The following ACSBG1 variants were observed in gnomAD, a reference collection of about 807,000 sequenced individuals.
The protein encoded by ACSBG1 is acyl-CoA synthetase bubblegum family member 1.
A neutral mutation model predicts 80.2 loss-of-function variants in ACSBG1; 39 were observed. That is an observed-to-expected ratio of 0.49 (90% CI 0.38 to 0.64). The LOEUF is 0.64. ACSBG1 is among the 30% of genes least tolerant of loss of function. The probability of loss-of-function intolerance (pLI) is 0.00; values close to 1 mark genes in which losing one functional copy is unlikely to be tolerated. For synonymous variants in ACSBG1, 392 were observed against 379.5 expected (o/e 1.03, Z -0.38); for missense variants, 828 against 966.4 (o/e 0.86, Z 1.90).
In ACSBG1 at chr15:78,173,828, G is replaced by A. The variant is rs144333639; in HGVS notation, c.1854C>T (p.Asp618=). 1 of 1,613,872 alleles carries A rather than the reference G, an allele frequency of 6.2e-7. No individual in the cohort carries two copies. The highest frequency in any genetic ancestry group is 8.5e-7 in the Non-Finnish European group (1 of 1,179,948). ...TATCAGTCTGGTCAGAGGTGTCTGG[G>A]TCCAGAGTGCACTGAAAAGCCAGAG... The part of the protein sequence containing the change: ...SMLLTLKCTL[D]PDTSDQTDNL... The change falls in exon 13 of 14, where the codon GAC becomes GAT. Residue 618 remains aspartate, a synonymous_variant. Coordinates refer to ENST00000258873, the MANE Select transcript of ACSBG1 (RefSeq NM_015162.5).
intron 1 of ACSBG1, among the ~76,000 whole-genome samples, chr15:78,222,158 C>G (rs1396942714): frequency 6.6e-6 from 1 of 152,112 alleles, no homozygotes; most frequent in East Asian, 1.9e-4. Flanking sequence ...ATGGATGAAT[C>G]TTGAAAACAT....
chr15:78,213,874 T>C (rs1240808023), intron 1 of ACSBG1: 1 of 152,280 alleles, frequency 6.6e-6, no homozygotes, highest in African/African-American at 2.4e-5. Flanking sequence ...GGCCCTGCAA[T>C]GTAGGTTTTA....
rs143175538 is a variant in ACSBG1 at position 78,196,838 on chromosome 15, G to A, written c.233-2112C>T. On this transcript the variant is annotated intron_variant, in intron 2 of 13. Transcript: ENST00000258873. ...TGTAAACATGTGAGGAGACTGAGGC[G>A]GGGTATCACTTGAGCCCAGGAGTTC... Among the ~76,000 whole-genome samples the A allele has an allele frequency of 5.4e-3, 816 of 152,146 alleles. 11 individuals carry two copies. The highest frequency in any genetic ancestry group is 0.019 in the African/African-American group (770 of 41,506).
At position 78,168,238 on chromosome 15, in the gene ACSBG1, A is replaced by G. The variant is rs1343922533; in HGVS notation, c.*3206T>C. The G allele has an allele frequency of 6.6e-6, 1 of 150,670 alleles. No homozygotes were observed. The highest frequency in any genetic ancestry group is 1.5e-5 in the Non-Finnish European group (1 of 67,728). The allele number at this position is 150,670 out of a possible 1,614,324, so 9.3% of individuals were successfully genotyped here. A position where few individuals can be genotyped will look rare whatever the true frequency, so the allele number is the denominator to read the frequency against. ...TGAGTTCAAGACCAGCCTGGGCCAC[A>G]TAGTGAGACCCCGTCTCTTAAAAAA... On this transcript the variant is annotated 3_prime_UTR_variant, in exon 14 of 14. Coordinates refer to ENST00000258873, the MANE Select transcript of ACSBG1 (RefSeq NM_015162.5).
At chr15:78,215,780 AAGAAAGAG>A (rs1567096454) in intron 1 of ACSBG1, among the ~76,000 whole-genome samples, 1 of 147,830 alleles carries the variant, frequency 6.8e-6, no homozygotes, top group Non-Finnish European at 1.5e-5. Context: ...GAAAGAAAGA[AAGAAAGAG>A]AAAGAAAGAG....
At position 78,193,532 on chromosome 15, in the gene ACSBG1, G is replaced by A. The variant is rs1280202668; in HGVS notation, c.637C>T (p.Gln213Ter). ...CCANVIMVDT[Q>*]KQLEKILKIW... ...TTCAGGATCTTTTCCAGCTGCTTCT[G>A]CGTGTCGACCATGATGACATTGGCG... The change falls in exon 5 of 14, where the codon CAG becomes TAG. Residue 213 changes from glutamine to a stop codon, truncating the protein, a stop_gained. Coordinates refer to ENST00000258873, the MANE Select transcript of ACSBG1 (RefSeq NM_015162.5). LOFTEE classifies it high-confidence loss of function. The A allele has an allele frequency of 1.2e-6, 2 of 1,612,428 alleles. No homozygotes were observed. The highest frequency in any genetic ancestry group is 2.7e-5 in the African/African-American group (2 of 74,866).
At chr15:78,196,995 T>G (rs2075120273) in intron 2 of ACSBG1, among the ~76,000 whole-genome samples, 1 of 149,194 alleles carries the variant, frequency 6.7e-6, no homozygotes, top group Non-Finnish European at 1.5e-5. Flanking sequence ...GTATGGGAGG[T>G]CAAGGCTGCA....
Position 78,170,892 on chromosome 15 carries a change from G to A in ACSBG1, c.*552C>T, listed in dbSNP as rs2141312305. 6.5e-6 allele frequency: 1 copy of A among 153,352 alleles called. No individual in the cohort carries two copies. The highest frequency in any genetic ancestry group is 2.1e-4 in the South Asian group (1 of 4,842). The allele number at this position is 153,352 out of a possible 1,614,324, so 9.5% of individuals were successfully genotyped here. ...TAATATTCAAATTATACATTAAATA[G>A]AATCAAACAGGCAGCAGCAGTTTTA... On this transcript the variant is annotated 3_prime_UTR_variant, in exon 14 of 14. Coordinates refer to ENST00000258873, the MANE Select transcript of ACSBG1 (RefSeq NM_015162.5).
In ACSBG1 at chr15:78,180,668, G is replaced by C. The variant is rs1169565119; in HGVS notation, c.1253+87C>G. The C allele has an allele frequency of 2.6e-6, 4 of 1,516,738 alleles. No homozygotes were observed. The African/African-American group carries it at 5.5e-5, about 21-fold the overall frequency. 94.0% of individuals were successfully genotyped at this position (1,516,738 alleles called of 1,614,324 possible). ...CTGCCCGGCCACTGGAACCGGGACA[G>C]GCATGGCGTATCAGACCCTCACTGT... On this transcript the variant is annotated intron_variant, in intron 9 of 13. Coordinates refer to ENST00000258873, the MANE Select transcript of ACSBG1 (RefSeq NM_015162.5).
chr15:78,219,558 G>A (rs2075342752), intron 1 of ACSBG1, among the ~76,000 whole-genome samples: 1 of 152,210 alleles, frequency 6.6e-6, no homozygotes, highest in South Asian at 2.1e-4. Context: ...GATATCTCAT[G>A]ATCGAGAGAC....
Position 78,173,608 on chromosome 15 carries a change from A to G in ACSBG1, c.2074T>C (p.Ser692Pro). Residue 692 changes from serine to proline, a missense_variant, in exon 13 of 14, where the codon TCG becomes CCG. Coordinates refer to ENST00000258873, the MANE Select transcript of ACSBG1 (RefSeq NM_015162.5). ...WAILERDFSISGGELGPTMKL... is the reference protein window; with the variant it reads ...WAILERDFSIPGGELGPTMKL... ...AAAAACCTACCCAACTCTCCACCCG[A>G]AATGGAGAAGTCTCTCTCGAGAATG... is the stretch of plus-strand genomic sequence containing the variant. 6.2e-7 allele frequency: 1 copy of G among 1,614,106 alleles called. No individual in the cohort carries two copies. Among genetic ancestry groups the G allele is most frequent in the Non-Finnish European group, 8.5e-7 (1 of 1,180,010 alleles).
At chr15:78,179,418 G>A in intron 10 of ACSBG1, 132 bp downstream of exon 10, 1 of 793,848 alleles carries the variant, frequency 1.3e-6, no homozygotes, top group East Asian at 2.7e-5. Context: ...GGGCTCCATA[G>A]CCCAGTGGCC....
intron 1 of ACSBG1, among the ~76,000 whole-genome samples, chr15:78,219,406 CAA>C (rs34636353): frequency 0.48 from 58,285 of 120,280 alleles, 12,529 homozygotes; most frequent in Non-Finnish European, 0.54. Flanking sequence ...GGCTTTGTCT[CAA>C]AAAAAAAAAA....
At chr15:78,180,298 C>A (rs2074929056) in intron 9 of ACSBG1, among the ~76,000 whole-genome samples, 3 of 152,188 alleles carry the variant, frequency 2.0e-5, no homozygotes, top group Non-Finnish European at 2.9e-5. Flanking sequence ...TGAAACCAAG[C>A]CAGCTTTACG....
intron 2 of ACSBG1, among the ~76,000 whole-genome samples, chr15:78,202,279 C>T (rs1010070615): frequency 4.6e-5 from 7 of 152,104 alleles, no homozygotes; most frequent in Non-Finnish European, 2.9e-5. Flanking sequence ...GGCACTATCT[C>T]GGCTCACTGC....
At chr15:78,188,986 C>T (rs1300493104) in intron 5 of ACSBG1, among the ~76,000 whole-genome samples, 3 of 149,230 alleles carry the variant, frequency 2.0e-5, no homozygotes, top group African/African-American at 7.4e-5. Flanking sequence ...AAAAAACAAA[C>T]AACCCCATCA....
chr15:78,174,330 A>AC, intron 12 of ACSBG1, 55 bp downstream of exon 12: 2 of 1,612,818 alleles, frequency 1.2e-6, no homozygotes, highest in Non-Finnish European at 8.5e-7. Flanking sequence ...TGCCAGCCAG[A>AC]CCCACAGACC....
chr15:78,175,966 G>A (rs1303150044), intron 11 of ACSBG1, among the ~76,000 whole-genome samples: 2 of 150,712 alleles, frequency 1.3e-5, no homozygotes, highest in Non-Finnish European at 3.0e-5. Context: ...ATTAGTAAAT[G>A]ATTAAAAAAA....
intron 2 of ACSBG1, among the ~76,000 whole-genome samples, chr15:78,201,363 C>A (rs1378861342): frequency 2.6e-5 from 4 of 152,238 alleles, no homozygotes; most frequent in African/African-American, 9.6e-5. Context: ...CCTTGCCCCC[C>A]AGGGAGGCCA....
Sources: allele counts gnomAD v4.1 joint callset (sites outside exome capture counted in the v4.1 genomes callset), GRCh38; gene constraint gnomAD v4.1.1; transcripts MANE v1.5; gene names NCBI Gene and HGNC (gene_info 2026-07-23, HGNC 2026-07-21).